Variants in OTOF observed in about 807,000 individuals in gnomAD.
OTOF encodes otoferlin, also known as fer-1-like family member 2.
A neutral mutation model predicts 236.8 loss-of-function variants in OTOF; 218 were observed. The ratio of observed to expected loss-of-function variants is 0.92; its 90% CI spans 0.82 to 1.03. OTOF has a LOEUF of 1.03. Ranked by LOEUF, OTOF falls within the 50% of genes least tolerant of loss-of-function variation. The pLI, the probability that OTOF is intolerant of heterozygous loss-of-function variation, is 0.00. For missense variants in OTOF, 2,590 were observed against 2,694.4 expected (o/e 0.96, Z 0.86); for synonymous variants, 1,041 against 1,072.5 (o/e 0.97, Z 0.57).
chr2:26,516,428 T>C lies in OTOF; in HGVS notation c.499A>G (p.Ser167Gly), dbSNP rs1404545919. The change falls in exon 5 of 47, where the codon AGC becomes GGC. Residue 167 changes from serine (S) to glycine (G), a missense_variant. This residue lies in a region of OTOF where 1,379 missense variants were observed against 1,341.6 expected (regional missense o/e 1.03). Coordinates refer to ENST00000272371, the MANE Select transcript of OTOF (RefSeq NM_194248.3). ...RPSSRPPGEK[S>G]FRRAGRSVFS... The stretch of plus-strand genomic sequence containing the variant: ...GGTCCTGCCTGTTACCTCCGGAAGC[T>C]CTTCTCTCCTGGGGGCCGGGAGCTG... 1.9e-6 allele frequency: 3 copies of C among 1,613,658 alleles called. No homozygotes were observed. Among genetic ancestry groups the C allele is most frequent in the African/African-American group, 1.3e-5 (1 of 74,888 alleles).
chr2:26,466,796 C>T lies in OTOF; in HGVS notation c.4418G>A (p.Gly1473Asp). 1 of 1,614,208 alleles carries T rather than the reference C, an allele frequency of 6.2e-7. No homozygotes were observed. The highest frequency in any genetic ancestry group is 2.2e-5 in the East Asian group (1 of 44,880). Residue 1473 changes from glycine to aspartate, a missense_variant, in exon 36 of 47, where the codon GGC becomes GAC. Gly to Asp is a moderately conservative substitution (Grantham distance 94). Transcript: ENST00000272371. ...GAACATGCCGTAGGTGGAGTCGTAG[C>T]CGGCTTCCCGGGACACGTCCTCTGG... Reference protein sequence around the residue: ...PLPEDVSREAGYDSTYGMFQG... With the variant: ...PLPEDVSREADYDSTYGMFQG...
rs1665331306 is a variant in OTOF at position 26,476,978 on chromosome 2, G to A, written c.2589C>T (p.Ala863=). The A allele has an allele frequency of 6.2e-7, 1 of 1,611,826 alleles. No individual in the cohort carries two copies. The change falls in exon 22 of 47, where the codon GCC becomes GCT. Residue 863 remains alanine, a synonymous_variant. Transcript: ENST00000272371. Reference sequence around the variant, plus strand: ...AGAGCAGGTCCTTGGAGGGCACACGGGCATAGGCGACACGCTTGTTGTTGC... The same window carrying A: ...AGAGCAGGTCCTTGGAGGGCACACGAGCATAGGCGACACGCTTGTTGTTGC... ...MMSNNKRVAY[A]RVPSKDLLFS...
At chr2:26,543,577 TCTC>T (rs1667257926) in intron 1 of OTOF, among the ~76,000 whole-genome samples, 2 of 136,186 alleles carry the variant, frequency 1.5e-5, no homozygotes, top group Admixed American at 7.1e-5. Flanking sequence ...CTAATTAACT[TCTC>T]TTTGCCCTTG....
At chr2:26,510,496 C>A (rs959307355) in intron 5 of OTOF, among the ~76,000 whole-genome samples, 1 of 151,990 alleles carries the variant, frequency 6.6e-6, no homozygotes, top group Non-Finnish European at 1.5e-5. Flanking sequence ...CTGGCCACCT[C>A]CCCCGCGACC....
At chr2:26,465,060 G>A in intron 38 of OTOF, 31 bp from the exon 39 acceptor site, 1 of 1,451,228 alleles carries the variant, frequency 6.9e-7, no homozygotes, top group Non-Finnish European at 9.1e-7. Flanking sequence ...GCTTGGAGGG[G>A]CTGGGTGGGA....
intron 3 of OTOF, among the ~76,000 whole-genome samples, chr2:26,527,450 C>G (rs1666835329): frequency 6.6e-6 from 1 of 152,218 alleles, no homozygotes; most frequent in African/African-American, 2.4e-5. Context: ...TACAGAGTGT[C>G]TCTTGGAGGA....
intron 9 of OTOF, 148 bp from the exon 10 acceptor site, chr2:26,489,888 C>T (rs990992630): frequency 3.8e-5 from 27 of 711,830 alleles, no homozygotes; most frequent in Middle Eastern, 2.9e-4. Flanking sequence ...AGAGGCAACT[C>T]ATCTGATCCT....
At chr2:26,480,461 G>GC in intron 15 of OTOF, 150 bp from the exon 16 acceptor site, 3 of 700,364 alleles carry the variant, frequency 4.3e-6, no homozygotes, top group Non-Finnish European at 7.8e-6. Context: ...CACCCCAACG[G>GC]CCCCCCAGCC....
At chr2:26,476,671 T>C (rs1420411701) in intron 22 of OTOF, among the ~76,000 whole-genome samples, 1 of 8,324 alleles carries the variant, frequency 1.2e-4, no homozygotes, top group African/African-American at 9.2e-4. Flanking sequence ...CCCCCACCCC[T>C]TCCCCCACCC....
At position 26,480,816 on chromosome 2, in the gene OTOF, C is replaced by A. The variant is rs758607797; in HGVS notation, c.1773G>T (p.Val591=). 6.2e-7 allele frequency: 1 copy of A among 1,612,702 alleles called. No homozygotes were observed. The highest frequency in any genetic ancestry group is 8.5e-7 in the Non-Finnish European group (1 of 1,179,914). Residue 591 remains valine (V), a synonymous_variant, in exon 15 of 47, where the codon GTG becomes GTT. Transcript: ENST00000272371. The part of the protein sequence containing the change: ...SNPELTSSTE[V]QVEQATPISE... ...AGATGGGCGTGGCCTGCTCCACCTG[C>A]ACCTCTGTGGAGCTGGTGAGCTCAG...
At chr2:26,533,242 A>G (rs905969021) in intron 2 of OTOF, among the ~76,000 whole-genome samples, 1 of 152,162 alleles carries the variant, frequency 6.6e-6, no homozygotes, top group African/African-American at 2.4e-5. Flanking sequence ...ACCCCCAGCC[A>G]CCACCATCCC....
intron 2 of OTOF, among the ~76,000 whole-genome samples, chr2:26,537,006 G>A (rs1667088118): frequency 6.6e-6 from 1 of 152,200 alleles, no homozygotes; most frequent in Admixed American, 6.5e-5. Context: ...AGCGTTGTAA[G>A]TCCTCTCACT....
At position 26,480,151 on chromosome 2, in the gene OTOF, C is replaced by G. The variant is rs186712597; in HGVS notation, c.1912+52G>C. 1.2e-4 allele frequency: 126 copies of G among 1,046,376 alleles called. No individual in the cohort carries two copies. In the African/African-American group the frequency reaches 1.7e-3, roughly 14 times the overall value. 64.8% of individuals were successfully genotyped at this position (1,046,376 alleles called of 1,614,324 possible). A position where few individuals can be genotyped will look rare whatever the true frequency, so the allele number is the denominator to read the frequency against. On this transcript the variant is annotated intron_variant, in intron 16 of 46. Transcript: ENST00000272371. ...ACCTGCAGCCTAGGCCTGAAGCCCC[C>G]GTGGGCCCAGCACTCACCTAGGCCC...
At chr2:26,468,363 CA>C in intron 33 of OTOF, 44 bp downstream of exon 33, 1 of 1,490,122 alleles carries the variant, frequency 6.7e-7, no homozygotes, top group Non-Finnish European at 9.4e-7. Context: ...GCTGACCACC[CA>C]GGGGCGGGGA....
chr2:26,465,538 T>A, intron 38 of OTOF, 134 bp downstream of exon 38: 1 of 901,612 alleles, frequency 1.1e-6, no homozygotes, highest in Non-Finnish European at 1.7e-6. Context: ...GCCCAGGGAC[T>A]GTAGGGGCAG....
rs1259189331 is a variant in OTOF at position 26,507,272 on chromosome 2, T to C, written c.510-3427A>G. ...AGACTTGCTCTTCAATGAATCTGAA[T>C]TGTGATCAGTACAGCATGATGTCAT... On this transcript the variant is annotated intron_variant, in intron 5 of 46. Coordinates refer to ENST00000272371, the MANE Select transcript of OTOF (RefSeq NM_194248.3). Among the ~76,000 whole-genome samples, 3 of 152,364 alleles carry C rather than the reference T, an allele frequency of 2.0e-5. No individual in the cohort carries two copies. In the East Asian group the frequency reaches 5.8e-4, roughly 29 times the overall value.
chr2:26,520,134 T>C (rs1467683710), intron 3 of OTOF, among the ~76,000 whole-genome samples: 1 of 152,216 alleles, frequency 6.6e-6, no homozygotes, highest in Non-Finnish European at 1.5e-5. Flanking sequence ...ACAGACGTTC[T>C]TACATGGTGC....
chr2:26,478,838 A>G (rs56997403), intron 18 of OTOF, among the ~76,000 whole-genome samples: 5,366 of 152,240 alleles, frequency 0.035, 145 homozygotes, highest in East Asian at 0.15. Flanking sequence ...AGCTGGGATT[A>G]CAGGTGCCCG....
rs369848891 is a variant in OTOF at position 26,461,762 on chromosome 2, T to C, written c.5467A>G (p.Lys1823Glu). The change falls in exon 43 of 47, where the codon AAG (lysine) becomes GAG (glutamate). Residue 1823 changes from lysine (K) to glutamate (E), a missense_variant. Physicochemically the swap from Lys to Glu is moderately conservative, Grantham distance 56. Around this residue, in one of 2 missense-constraint regions of OTOF, gnomAD observed 1,211 missense variants for 1,352.8 expected, o/e 0.90. Transcript: ENST00000272371. This position sits in a 1 kb window ranked among gnomAD's most constrained non-coding sequence, Gnocchi z 6.2. ...TGCAGGGTGAGCCGCGCGGGGATCTTGTACTCGGTCTCGTCCCAGGAGAAC... is the reference window on the plus strand; with the variant it reads ...TGCAGGGTGAGCCGCGCGGGGATCTCGTACTCGGTCTCGTCCCAGGAGAAC... Reference protein sequence around the residue: ...SMFSWDETEYKIPARLTLQIW... With the variant: ...SMFSWDETEYEIPARLTLQIW... 32 of 1,614,020 alleles carry C rather than the reference T, an allele frequency of 2.0e-5. No homozygotes were observed. The highest frequency in any genetic ancestry group is 2.7e-5 in the Non-Finnish European group (32 of 1,180,032).
Sources: allele counts gnomAD v4.1 joint callset (sites outside exome capture counted in the v4.1 genomes callset), GRCh38; gene constraint gnomAD v4.1.1; regional missense constraint gnomAD v4.1.1; non-coding constraint Gnocchi (gnomAD v3.1); transcripts MANE v1.5; gene names NCBI Gene and HGNC (gene_info 2026-07-23, HGNC 2026-07-21).